The following MEP1A variants were observed in gnomAD, a reference collection of about 807,000 sequenced individuals.
MEP1A encodes meprin A subunit alpha.
Under a neutral mutation model 84.5 loss-of-function variants are expected in MEP1A, and 68 were observed. The ratio of observed to expected loss-of-function variants is 0.80; its 90% CI spans 0.66 to 0.98. MEP1A has a LOEUF of 0.98. Among genes scored for constraint, MEP1A ranks in the 50% least tolerant of loss-of-function variants. The pLI, the probability that MEP1A is intolerant of heterozygous loss-of-function variation, is 0.00. For synonymous variants in MEP1A, 337 were observed against 336.8 expected, an observed-to-expected ratio of 1.00 and a Z score of -0.01; for missense variants, 887 against 919.9, an observed-to-expected ratio of 0.96 and a Z score of 0.46.
chr6:46,820,043 C>G (rs1767731440), intron 7 of MEP1A, among the ~76,000 whole-genome samples: 1 of 152,162 alleles, frequency 6.6e-6, no homozygotes, highest in Non-Finnish European at 1.5e-5. Flanking sequence ...AGTCATTTCT[C>G]TGGATGTGAA....
chr6:46,829,296 T>C, intron 9 of MEP1A, 60 bp from the exon 10 acceptor site: 2 of 1,421,510 alleles, frequency 1.4e-6, no homozygotes, highest in South Asian at 2.3e-5. Context: ...TTTGTTTGGG[T>C]GGACAGAACC....
chr6:46,807,770 G>GGAAAGAAAGGAA (rs1767382223), intron 5 of MEP1A, among the ~76,000 whole-genome samples: 1 of 97,236 alleles, frequency 1.0e-5, no homozygotes, highest in Admixed American at 1.2e-4. Flanking sequence ...AAGGGAGAAA[G>GGAAAGAAAGGAA]GAAAGAAAGA....
Position 46,800,746 on chromosome 6 carries a change from C to T in MEP1A, c.262+1565C>T, listed in dbSNP as rs149278086. ...CAGTATATAAGGCTTTTGACAAACA[C>T]ATATACCTATATAATGCACACTTCC... On this transcript the variant is annotated intron_variant, in intron 5 of 13. Coordinates refer to ENST00000230588, the MANE Select transcript of MEP1A (RefSeq NM_005588.3). Among the ~76,000 whole-genome samples, 182 of 152,260 alleles carry T rather than the reference C, an allele frequency of 1.2e-3. 2 individuals are homozygous for T. The highest frequency in any genetic ancestry group is 4.0e-3 in the African/African-American group (166 of 41,560).
At chr6:46,829,076 G>T (rs1474961312) in intron 9 of MEP1A, among the ~76,000 whole-genome samples, 2 of 152,154 alleles carry the variant, frequency 1.3e-5, no homozygotes, top group Non-Finnish European at 2.9e-5. Flanking sequence ...ATCAAACATT[G>T]CTTGAAGCCT....
At chr6:46,813,198 G>A (rs896308202) in intron 6 of MEP1A, among the ~76,000 whole-genome samples, 4 of 151,780 alleles carry the variant, frequency 2.6e-5, no homozygotes, top group Non-Finnish European at 5.9e-5. Context: ...TTTACCTTAA[G>A]TTTATGTGAG....
At chr6:46,829,978 G>T (rs2150754912) in intron 10 of MEP1A, among the ~76,000 whole-genome samples, 1 of 152,200 alleles carries the variant, frequency 6.6e-6, no homozygotes, top group Admixed American at 6.5e-5. Flanking sequence ...TAGTTGACCA[G>T]CTCACGCCTG....
downstream of MEP1A, among the ~76,000 whole-genome samples, chr6:46,844,225 A>T (rs1187945979): frequency 2.6e-5 from 4 of 152,168 alleles, no homozygotes; most frequent in African/African-American, 9.7e-5. Flanking sequence ...TGATAACTCT[A>T]ATGAATGGGG....
intron 7 of MEP1A, among the ~76,000 whole-genome samples, chr6:46,824,535 A>G (rs1468521635): frequency 7.1e-6 from 1 of 141,440 alleles, no homozygotes; most frequent in Admixed American, 7.2e-5. Context: ...ATAAATTATC[A>G]TCTATTTAAT....
intron 7 of MEP1A, 83 bp from the exon 8 acceptor site, chr6:46,825,189 G>A (rs759075967): frequency 3.4e-6 from 2 of 581,816 alleles, no homozygotes; most frequent in Non-Finnish European, 5.6e-6. Flanking sequence ...CCCTTTTTTG[G>A]AGGGTCTCTG....
intron 4 of MEP1A, 138 bp from the exon 5 acceptor site, chr6:46,798,968 A>G: frequency 1.5e-6 from 1 of 651,058 alleles, no homozygotes; most frequent in Non-Finnish European, 2.8e-6. Flanking sequence ...TATTGCTTTC[A>G]TAATCAAAAG....
intron 3 of MEP1A, among the ~76,000 whole-genome samples, chr6:46,796,456 T>A (rs914137095): frequency 6.6e-6 from 1 of 152,206 alleles, no homozygotes; most frequent in African/African-American, 2.4e-5. Context: ...CTTTCCCACT[T>A]TACCTTTCAT....
intron 7 of MEP1A, 120 bp from the exon 8 acceptor site, chr6:46,825,152 A>AAT (rs547225308): frequency 7.6e-6 from 2 of 263,210 alleles, no homozygotes; most frequent in Middle Eastern, 1.2e-3. Flanking sequence ...AAATCTATTT[A>AAT]ATATATATAT....
downstream of MEP1A, among the ~76,000 whole-genome samples, chr6:46,841,827 TTGAAA>T (rs1234263251): frequency 6.6e-6 from 1 of 152,230 alleles, no homozygotes; most frequent in Non-Finnish European, 1.5e-5. Context: ...TCTGATGATG[TTGAAA>T]TGAATCAAGA....
intron 6 of MEP1A, among the ~76,000 whole-genome samples, chr6:46,810,588 T>G (rs1767474735): frequency 1.3e-5 from 2 of 152,184 alleles, no homozygotes; most frequent in Admixed American, 1.3e-4. Flanking sequence ...TCTAGAATCT[T>G]TATGGGTTCA....
At chr6:46,812,092 A>G (rs535699130) in intron 6 of MEP1A, among the ~76,000 whole-genome samples, 1 of 151,972 alleles carries the variant, frequency 6.6e-6, no homozygotes, top group Non-Finnish European at 1.5e-5. Context: ...CTCTGAATCC[A>G]TCTGGTCCTG....
chr6:46,838,696 G>C (rs964255289), intron 13 of MEP1A, among the ~76,000 whole-genome samples: 2 of 152,140 alleles, frequency 1.3e-5, no homozygotes, highest in African/African-American at 4.8e-5. Context: ...CTTGAGATTA[G>C]ATTTCAAGTG....
chr6:46,808,381 A>G (rs918593668), intron 5 of MEP1A, among the ~76,000 whole-genome samples: 9 of 152,088 alleles, frequency 5.9e-5, no homozygotes, highest in African/African-American at 1.9e-4. Context: ...GGAGTCTCCA[A>G]CTTGATAGTT....
chr6:46,834,125 G>A (rs1397756288), intron 11 of MEP1A, among the ~76,000 whole-genome samples: 1 of 151,856 alleles, frequency 6.6e-6, no homozygotes, highest in Non-Finnish European at 1.5e-5. Flanking sequence ...GTTTCACCGT[G>A]TTGCCCAGGC....
chr6:46,841,066 G>A (rs1768323444), downstream of MEP1A, among the ~76,000 whole-genome samples: 1 of 152,160 alleles, frequency 6.6e-6, no homozygotes, highest in African/African-American at 2.4e-5. Flanking sequence ...ACATGGAAAG[G>A]CCCCAAGCCC....
Sources: allele counts gnomAD v4.1 joint callset (sites outside exome capture counted in the v4.1 genomes callset), GRCh38; gene constraint gnomAD v4.1.1; transcripts MANE v1.5; gene names NCBI Gene and HGNC (gene_info 2026-07-23, HGNC 2026-07-21).